The following DOCK6 variants were observed in gnomAD, a reference collection of about 807,000 sequenced individuals.
DOCK6 encodes the protein dedicator of cytokinesis 6, also known as dedicator of cytokinesis protein 6.
In DOCK6, 167 loss-of-function variants were observed where a neutral mutation model predicts 230.3. That is an observed-to-expected ratio of 0.73 (90% CI 0.64 to 0.82). The LOEUF (loss-of-function observed/expected upper bound fraction) is 0.82. Among genes scored for constraint, DOCK6 ranks in the 40% least tolerant of loss-of-function variants. The probability of loss-of-function intolerance (pLI) is 0.00; values close to 1 mark genes in which losing one functional copy is unlikely to be tolerated. For missense variants in DOCK6, 2,598 were observed against 2,825.8 expected, an observed-to-expected ratio of 0.92 and a Z score of 1.83; for synonymous variants, 1,148 against 1,185.0, an observed-to-expected ratio of 0.97 and a Z score of 0.64.
chr19:11,218,251 A>G (rs956635792), intron 28 of DOCK6, among the ~76,000 whole-genome samples: 3 of 152,054 alleles, frequency 2.0e-5, no homozygotes, highest in African/African-American at 7.2e-5. Context: ...GGTTCAAGCA[A>G]TTCTCGTGCC....
chr19:11,260,504 C>T (rs904215315), intron 1 of DOCK6, among the ~76,000 whole-genome samples: 1 of 151,318 alleles, frequency 6.6e-6, no homozygotes, highest in Admixed American at 6.6e-5. Context: ...CACTTGAGCC[C>T]GGGAGATTGA....
intron 37 of DOCK6, among the ~76,000 whole-genome samples, chr19:11,210,615 T>C (rs1290024242): frequency 7.1e-6 from 1 of 141,028 alleles, no homozygotes; most frequent in African/African-American, 2.7e-5. Context: ...TCCCTTCACC[T>C]GTCTGTCCCC....
At chr19:11,215,707 A>G in intron 31 of DOCK6, 94 bp downstream of exon 31, 1 of 1,587,636 alleles carries the variant, frequency 6.3e-7, no homozygotes. Flanking sequence ...TGAGGCAGAA[A>G]GTAAGCTAGG....
chr19:11,250,732 G>T, intron 6 of DOCK6, 142 bp downstream of exon 6: 1 of 787,338 alleles, frequency 1.3e-6, no homozygotes, highest in Non-Finnish European at 2.0e-6. Context: ...AGGATATACA[G>T]TAGGTGCCCA....
chr19:11,207,651 G>C (rs1234717103), intron 39 of DOCK6, among the ~76,000 whole-genome samples: 1 of 151,756 alleles, frequency 6.6e-6, no homozygotes, highest in Non-Finnish European at 1.5e-5. Flanking sequence ...AATTGGCAGG[G>C]TGTAGTGGCA....
chr19:11,230,985 T>C (rs1195608729), intron 22 of DOCK6, among the ~76,000 whole-genome samples: 1 of 152,120 alleles, frequency 6.6e-6, no homozygotes, highest in East Asian at 1.9e-4. Flanking sequence ...AGCCATACCC[T>C]GGCAACTCAC....
In DOCK6 at chr19:11,233,817, C is replaced by A. The variant is rs1016685100; in HGVS notation, c.2555-451G>T. Among the ~76,000 whole-genome samples, 14 of 151,698 alleles carry A rather than the reference C, an allele frequency of 9.2e-5. 1 individual carries two copies. Among genetic ancestry groups the A allele is most frequent in the Non-Finnish European group, 1.8e-4 (12 of 67,970 alleles). On this transcript the variant is annotated intron_variant, in intron 21 of 47. Transcript: ENST00000294618. Reference sequence around the variant, plus strand: ...ATCGTGACACTGCACTCTAGCCTGGCCGACAGAATAAGATCCTGACTTTTT... The same window carrying A: ...ATCGTGACACTGCACTCTAGCCTGGACGACAGAATAAGATCCTGACTTTTT...
intron 14 of DOCK6, chr19:11,240,395 C>A: frequency 7.9e-7 from 1 of 1,263,610 alleles, no homozygotes; most frequent in Non-Finnish European, 1.1e-6. Flanking sequence ...ATCAGCCTCC[C>A]AGCTCTGTGG....
chr19:11,253,764 A>T (rs757822576), intron 1 of DOCK6, 38 bp from the exon 2 acceptor site: 1 of 1,366,914 alleles, frequency 7.3e-7, no homozygotes, highest in Non-Finnish European at 9.8e-7. Flanking sequence ...GGACGGGAAA[A>T]CTCAGGCAGC....
At chr19:11,216,823 C>A (rs1406772496) in intron 30 of DOCK6, 91 bp downstream of exon 30, 3 of 1,320,162 alleles carry the variant, frequency 2.3e-6, no homozygotes, top group Non-Finnish European at 3.3e-6. Context: ...CAAAGACAGT[C>A]CACCCCTTCC....
In DOCK6 at chr19:11,235,647, G is replaced by T. The variant is rs200378092; in HGVS notation, c.2505C>A (p.Tyr835Ter). Residue 835 changes from tyrosine (Y) to a stop codon, truncating the protein, a stop_gained, in exon 21 of 48, where the codon TAC (tyrosine) becomes TAA (stop). Coordinates refer to ENST00000294618, the MANE Select transcript of DOCK6 (RefSeq NM_020812.4). LOFTEE classifies it high-confidence loss of function. ...ARGHCPQLAA[Y>*]VHYAFRLPGT... ...CAGGAAGGCGAAAGGCGTAGTGGAC[G>T]TAGGCAGCCAGCTGTGGGCAGTGAC... 3.1e-6 allele frequency: 5 copies of T among 1,603,280 alleles called. No individual in the cohort carries two copies. Among genetic ancestry groups the T allele is most frequent in the Non-Finnish European group, 4.3e-6 (5 of 1,175,328 alleles).
At chr19:11,232,375 C>T (rs970453878) in intron 22 of DOCK6, 2 of 1,075,770 alleles carry the variant, frequency 1.9e-6, no homozygotes, top group East Asian at 6.0e-5. Flanking sequence ...TGGTTCTGGA[C>T]CATACATGTG....
chr19:11,258,715 G>A (rs575896376), intron 1 of DOCK6, among the ~76,000 whole-genome samples: 124 of 150,132 alleles, frequency 8.3e-4, no homozygotes, highest in African/African-American at 3.0e-3. Context: ...TTACAAGCAT[G>A]AGCCAACGCG....
At chr19:11,224,190 T>TTTTCTTTCTTTCTTTCTTTC (rs199688091) in intron 24 of DOCK6, among the ~76,000 whole-genome samples, 5,138 of 146,288 alleles carry the variant, frequency 0.035, 260 homozygotes, top group Admixed American at 0.096. Context: ...CTGTAATTAC[T>TTTTCTTTCTTTCTTTCTTTC]TTTCTTTCTT....
intron 18 of DOCK6, 110 bp downstream of exon 18, chr19:11,237,346 G>A: frequency 8.4e-7 from 1 of 1,191,152 alleles, no homozygotes; most frequent in South Asian, 1.3e-5. Flanking sequence ...GGCCCTGGAG[G>A]CACCAGTAGA....
rs2079156211 is a variant in DOCK6 at position 11,200,777 on chromosome 19, CT to C, written c.5877del (p.Asp1960ThrfsTer32). The C allele has an allele frequency of 6.2e-7, 1 of 1,613,362 alleles. No individual in the cohort carries two copies. Among genetic ancestry groups the C allele is most frequent in the South Asian group, 1.1e-5 (1 of 91,056 alleles). ...VAQVFLAEIP[E>X]DPKLFRHHNK... ...TTGTGATGCCGGAAGAGCTTGGGGTCTTCCGGGATCTCTGCTAAAAACACCT... is the reference window on the plus strand; with the variant it reads ...TTGTGATGCCGGAAGAGCTTGGGGTCTCCGGGATCTCTGCTAAAAACACCT... On this transcript the variant is annotated frameshift_variant, in exon 46 of 48. Coordinates refer to ENST00000294618, the MANE Select transcript of DOCK6 (RefSeq NM_020812.4). LOFTEE classifies it high-confidence loss of function. The surrounding 1 kb of genome is among the most constrained non-coding windows in gnomAD (Gnocchi z 4.3).
chr19:11,253,036 G>A (rs886840676), intron 2 of DOCK6, 78 bp from the exon 3 acceptor site: 43 of 1,414,816 alleles, frequency 3.0e-5, no homozygotes, highest in African/African-American at 2.9e-4. Context: ...GTGGGTGCGC[G>A]CTGGCTTCAA....
Position 11,200,200 on chromosome 19 carries a change from G to A in DOCK6, c.6101+108C>T, listed in dbSNP as rs1247871013. ...AAACAAAACAAAGTCCAAGCTACCA[G>A]CAAACATGTTGCTGTGTATGTGTAC... is the stretch of plus-strand genomic sequence containing the variant. On this transcript the variant is annotated intron_variant, in intron 47 of 47. Transcript: ENST00000294618. The surrounding 1 kb of genome is among the most constrained non-coding windows in gnomAD (Gnocchi z 4.3). The A allele has an allele frequency of 5.2e-6, 6 of 1,147,928 alleles. No homozygotes were observed. Among genetic ancestry groups the A allele is most frequent in the African/African-American group, 4.9e-5 (3 of 61,686 alleles). 71.1% of individuals were successfully genotyped at this position (1,147,928 alleles called of 1,614,324 possible). A position where few individuals can be genotyped will look rare whatever the true frequency, so the allele number is the denominator to read the frequency against.
At chr19:11,245,951 GC>G in intron 7 of DOCK6, 73 bp from the exon 8 acceptor site, 1 of 1,522,526 alleles carries the variant, frequency 6.6e-7, no homozygotes, top group Non-Finnish European at 8.9e-7. Flanking sequence ...CCCTCTTGAG[GC>G]CCAAGGTGGG....
Sources: gnomAD v4.1 joint callset for allele counts (sites outside exome capture counted in the v4.1 genomes callset) on GRCh38, gnomAD v4.1.1 for gene constraint, Gnocchi (gnomAD v3.1) non-coding constraint, MANE v1.5 for transcripts, NCBI Gene and HGNC (gene_info 2026-07-23, HGNC 2026-07-21) for gene names.